Variants in AHNAK observed in about 807,000 individuals in gnomAD.
AHNAK encodes AHNAK nucleoprotein, also known as neuroblast differentiation-associated protein AHNAK.
Under a neutral mutation model 37.8 loss-of-function variants are expected in AHNAK, and 23 were observed. That is an observed-to-expected ratio of 0.61 (90% confidence interval 0.44 to 0.86). The LOEUF is 0.86. Among genes scored for constraint, AHNAK ranks in the 40% least tolerant of loss-of-function variants. AHNAK has a pLI of 0.00. For missense variants in AHNAK, 7,411 were observed against 7,319.4 expected (o/e 1.01, Z -0.46); for synonymous variants, 2,481 against 2,636.3 (o/e 0.94, Z 1.80).
At position 62,529,978 on chromosome 11, in the gene AHNAK, A is replaced by C; in HGVS notation, c.4439T>G (p.Ile1480Arg). The part of the protein sequence containing the change: ...DVTVPKVEGE[I>R]KAPDVDIKGP... ...TTTGATGTCAACATCAGGAGCTTTT[A>C]TCTCTCCTTCTACTTTTGGAACTGT... is the stretch of plus-strand genomic sequence containing the variant. Residue 1480 changes from isoleucine to arginine, a missense_variant, in exon 5 of 5, where the codon ATA (isoleucine) becomes AGA (arginine). Physicochemically the swap from Ile to Arg is moderately conservative, Grantham distance 97. Transcript: ENST00000378024. 6.2e-7 allele frequency: 1 copy of C among 1,613,432 alleles called. No individual in the cohort carries two copies. The highest frequency in any genetic ancestry group is 8.5e-7 in the Non-Finnish European group (1 of 1,179,910).
At position 62,530,897 on chromosome 11, in the gene AHNAK, G is replaced by A; in HGVS notation, c.3520C>T (p.Pro1174Ser). ...IEAPDVSLEG[P>S]EGKLKGPKFK... is the part of the protein sequence containing the mutation. ...TTGGGACCCTTCAGCTTCCCTTCTG[G>A]ACCTTCGAGGCTCACATCTGGGGCT... Residue 1174 changes from proline to serine, a missense_variant, in exon 5 of 5, where the codon CCA becomes TCA. Coordinates refer to ENST00000378024, the MANE Select transcript of AHNAK (RefSeq NM_001620.3). 6.2e-7 allele frequency: 1 copy of A among 1,613,430 alleles called. No individual in the cohort carries two copies. The highest frequency in any genetic ancestry group is 8.5e-7 in the Non-Finnish European group (1 of 1,179,914).
rs1314122972 is a variant in AHNAK at position 62,530,988 on chromosome 11, G to A, written c.3429C>T (p.Gly1143=). The A allele has an allele frequency of 6.2e-7, 1 of 1,613,722 alleles. No homozygotes were observed. Among genetic ancestry groups the A allele is most frequent in the East Asian group, 2.2e-5 (1 of 44,852 alleles). The change falls in exon 5 of 5, where the codon GGC becomes GGT. Residue 1143 remains glycine (G), a synonymous_variant. Transcript: ENST00000378024. ...KFSMPSLKGE[G]PEVDVNLPKA... ...TAGGCAAGTTCACATCCACTTCTGG[G>A]CCCTCGCCTTTGAGGCTGGGCATGC...
chr11:62,443,520 C>A (rs1565195687), intron 5 of AHNAK, among the ~76,000 whole-genome samples: 1 of 152,134 alleles, frequency 6.6e-6, no homozygotes, highest in African/African-American at 2.4e-5. Context: ...GATCTGCCTG[C>A]CTCGGCCTCC....
At chr11:62,447,007 A>C (rs1168772241) in intron 5 of AHNAK, among the ~76,000 whole-genome samples, 1 of 151,746 alleles carries the variant, frequency 6.6e-6, no homozygotes, top group Non-Finnish European at 1.5e-5. Flanking sequence ...GTAATTCCTA[A>C]GCACCCCCTC....
At chr11:62,449,474 G>A (rs1938488598) in intron 5 of AHNAK, among the ~76,000 whole-genome samples, 1 of 152,202 alleles carries the variant, frequency 6.6e-6, no homozygotes, top group Admixed American at 6.5e-5. Context: ...ACCCAGGCCT[G>A]AGCTGGAGAG....
At chr11:62,462,988 G>A (rs112693895) in intron 5 of AHNAK, among the ~76,000 whole-genome samples, 10,088 of 151,970 alleles carry the variant, frequency 0.066, 1,109 homozygotes, top group African/African-American at 0.23. Flanking sequence ...AAAATTAGCC[G>A]GGCGTGGTGC....
chr11:62,438,589 T>C (rs1373292895), intron 5 of AHNAK, among the ~76,000 whole-genome samples: 1 of 152,192 alleles, frequency 6.6e-6, no homozygotes, highest in African/African-American at 2.4e-5. Flanking sequence ...TGCAGATATA[T>C]ATCTTCTCCA....
chr11:62,506,354 G>A (rs2134178281), intron 4 of AHNAK, among the ~76,000 whole-genome samples: 1 of 152,256 alleles, frequency 6.6e-6, no homozygotes, highest in East Asian at 1.9e-4. Context: ...CCACCCAGGA[G>A]GCCAGGAAGA....
intron 5 of AHNAK, among the ~76,000 whole-genome samples, chr11:62,474,951 G>A (rs572985426): frequency 1.3e-5 from 2 of 152,236 alleles, no homozygotes; most frequent in East Asian, 1.9e-4. Context: ...AGGAGAAGCC[G>A]CTGCACTGGC....
rs1409787275 is a variant in AHNAK at position 62,518,381 on chromosome 11, T to A, written c.16036A>T (p.Lys5346Ter). 2.5e-6 allele frequency: 4 copies of A among 1,614,040 alleles called. No homozygotes were observed. The African/African-American group carries it at 5.3e-5, about 22-fold the overall frequency. ...GKMQVGGDGV[K>*]VPGIDATTKL... is the part of the protein sequence containing the mutation. ...GTTGTGGCATCGATCCCTGGCACTT[T>A]CACACCGTCTCCTCCCACCTGCATT... Residue 5346 changes from lysine (K) to a stop codon, truncating the protein, a stop_gained, in exon 5 of 5, where the codon AAA becomes TAA. Transcript: ENST00000378024. LOFTEE classifies it high-confidence loss of function.
downstream of AHNAK, among the ~76,000 whole-genome samples, chr11:62,511,757 T>G (rs1376534153): frequency 6.6e-6 from 1 of 152,080 alleles, no homozygotes; most frequent in Non-Finnish European, 1.5e-5. Flanking sequence ...GACAGAGTCT[T>G]GCTTTGTCTG....
At position 62,518,458 on chromosome 11, in the gene AHNAK, G is replaced by A. The variant is rs749463429; in HGVS notation, c.15959C>T (p.Pro5320Leu). 6.2e-7 allele frequency: 1 copy of A among 1,614,030 alleles called. No individual in the cohort carries two copies. The highest frequency in any genetic ancestry group is 1.7e-5 in the Admixed American group (1 of 60,002). Residue 5320 changes from proline (P) to leucine (L), a missense_variant, in exon 5 of 5, where the codon CCC (proline) becomes CTC (leucine). Coordinates refer to ENST00000378024, the MANE Select transcript of AHNAK (RefSeq NM_001620.3). Reference protein sequence around the residue: ...SLKGDLDASVPSMKVHAPGLN... With the variant: ...SLKGDLDASVLSMKVHAPGLN... ...CCCTGGAGCATGCACCTTCATGCTG[G>A]GAACAGATGCATCCAGGTCTCCCTT...
intron 1 of AHNAK, chr11:62,546,170 AG>A: frequency 6.5e-6 from 1 of 153,840 alleles, no homozygotes. Flanking sequence ...GCAGAGGTGC[AG>A]GGAGCGCGGA....
chr11:62,468,369 A>T (rs1298503), intron 5 of AHNAK, among the ~76,000 whole-genome samples: 27,986 of 145,640 alleles, frequency 0.19, 3,074 homozygotes, highest in African/African-American at 0.33. Flanking sequence ...AAAAAAAAAA[A>T]AAATATATAT....
chr11:62,540,440 G>A (rs552547447), intron 1 of AHNAK, among the ~76,000 whole-genome samples: 2 of 152,226 alleles, frequency 1.3e-5, no homozygotes, highest in Non-Finnish European at 2.9e-5. Context: ...GAATGGGAGT[G>A]TGCTGGGACC....
At chr11:62,436,249 G>T (rs993937218) in intron 5 of AHNAK, among the ~76,000 whole-genome samples, 1 of 152,134 alleles carries the variant, frequency 6.6e-6, no homozygotes, top group Non-Finnish European at 1.5e-5. Context: ...AGAAGGTGGG[G>T]GAACTTGGGG....
chr11:62,453,985 T>A (rs1212434459), intron 5 of AHNAK, among the ~76,000 whole-genome samples: 2 of 151,536 alleles, frequency 1.3e-5, no homozygotes, highest in Non-Finnish European at 2.9e-5. Flanking sequence ...CATGTGCCTG[T>A]AATCCCAGCT....
Position 62,532,191 on chromosome 11 carries a change from G to A in AHNAK, c.2226C>T (p.Gly742=), listed in dbSNP as rs1280720675. 1.2e-6 allele frequency: 2 copies of A among 1,614,072 alleles called. No homozygotes were observed. Among genetic ancestry groups the A allele is most frequent in the African/African-American group, 2.7e-5 (2 of 74,990 alleles). The stretch of plus-strand genomic sequence containing the variant: ...TGGGCATCTTCAAGTGCCAGTCTGG[G>A]CCATGAACATCCACATCTGGGGCAT... ...DIDAPDVDVH[G]PDWHLKMPKM... The change falls in exon 5 of 5, where the codon GGC becomes GGT. Residue 742 remains glycine, a synonymous_variant. Transcript: ENST00000378024.
At chr11:62,539,665 T>C (rs577396433) in intron 1 of AHNAK, among the ~76,000 whole-genome samples, 97 of 152,320 alleles carry the variant, frequency 6.4e-4, no homozygotes, top group Non-Finnish European at 1.2e-3. Context: ...GCAACCTACG[T>C]GGTTCCTGAG....
Sources: gnomAD v4.1 joint callset for allele counts (sites outside exome capture counted in the v4.1 genomes callset) on GRCh38, gnomAD v4.1.1 for gene constraint, MANE v1.5 for transcripts, NCBI Gene and HGNC (gene_info 2026-07-23, HGNC 2026-07-21) for gene names.